SLC39A8: variants seen among roughly 807,000 people sequenced by gnomAD.
The protein encoded by SLC39A8 is metal cation symporter ZIP8.
SLC39A8 carries 15 observed loss-of-function variants against 40.4 expected under a neutral mutation model. The ratio of observed to expected loss-of-function variants is 0.37; its 90% confidence interval spans 0.25 to 0.57. The LOEUF (loss-of-function observed/expected upper bound fraction) is 0.57. SLC39A8 is among the 20% of genes least tolerant of loss of function. The probability of loss-of-function intolerance (pLI) is 0.75; values close to 1 mark genes in which losing one functional copy is unlikely to be tolerated. For synonymous variants in SLC39A8, 223 were observed against 221.6 expected (o/e 1.01, Z -0.06); for missense variants, 472 against 558.8 (o/e 0.84, Z 1.57).
At chr4:102,340,792 T>C (rs1735905000) in intron 2 of SLC39A8, among the ~76,000 whole-genome samples, 1 of 152,156 alleles carries the variant, frequency 6.6e-6, no homozygotes, top group Non-Finnish European at 1.5e-5. Flanking sequence ...AATCAGTAAA[T>C]CAGTGCTGGC....
chr4:102,324,637 C>T (rs1316474470), intron 2 of SLC39A8, among the ~76,000 whole-genome samples: 1 of 152,188 alleles, frequency 6.6e-6, no homozygotes, highest in Non-Finnish European at 1.5e-5. Flanking sequence ...CCGAGCACTA[C>T]TGCATGCCAG....
In SLC39A8 at chr4:102,344,893, G is replaced by T; in HGVS notation, c.-231C>A. 2 of 1,300,586 alleles carry T rather than the reference G, an allele frequency of 1.5e-6. No homozygotes were observed. The highest frequency in any genetic ancestry group is 1.6e-5 in the African/African-American group (1 of 64,404). The allele number at this position is 1,300,586 out of a possible 1,614,324, so 80.6% of individuals were successfully genotyped here. A position where few individuals can be genotyped will look rare whatever the true frequency, so the allele number is the denominator to read the frequency against. Reference sequence around the variant, plus strand: ...GCCGAGGGGAGCGATAGGCGGAGTGGGCCCCCCGGCCTCCTGGAGAGCCTG... The same window carrying T: ...GCCGAGGGGAGCGATAGGCGGAGTGTGCCCCCCGGCCTCCTGGAGAGCCTG... On this transcript the variant is annotated 5_prime_UTR_variant, in exon 2 of 9. Coordinates refer to ENST00000356736, the MANE Select transcript of SLC39A8 (RefSeq NM_001135146.2).
chr4:102,291,022 A>C (rs1283884033), intron 6 of SLC39A8, among the ~76,000 whole-genome samples: 1 of 150,566 alleles, frequency 6.6e-6, no homozygotes, highest in Non-Finnish European at 1.5e-5. Flanking sequence ...TGAACGTTCA[A>C]CCTCTCCCTG....
chr4:102,279,733 A>G (rs1732788413), intron 6 of SLC39A8, among the ~76,000 whole-genome samples: 2 of 152,222 alleles, frequency 1.3e-5, no homozygotes, highest in South Asian at 4.1e-4. Flanking sequence ...CCAATATTTT[A>G]TATGAAGAGT....
At chr4:102,259,967 T>C (rs550513654), downstream of SLC39A8, among the ~76,000 whole-genome samples, 1 of 152,308 alleles carries the variant, frequency 6.6e-6, no homozygotes, top group South Asian at 2.1e-4. Context: ...TAGATCATCC[T>C]GTGAAAAACA....
Position 102,344,697 on chromosome 4 carries a change from G to C in SLC39A8, c.-35C>G, listed in dbSNP as rs1736093786. 2.1e-6 allele frequency: 3 copies of C among 1,410,974 alleles called. No homozygotes were observed. In the South Asian group the frequency reaches 4.6e-5, roughly 22 times the overall value. 87.4% of individuals were successfully genotyped at this position (1,410,974 alleles called of 1,614,324 possible). ...GGCTTCCCCTTGAGGGCCCGCGACG[G>C]GCTGCCGCGCAGAGGGACGCGCGCG... is the stretch of plus-strand genomic sequence containing the variant. On this transcript the variant is annotated 5_prime_UTR_variant, in exon 2 of 9. Transcript: ENST00000356736.
At chr4:102,313,393 G>T (rs1216470724) in intron 3 of SLC39A8, among the ~76,000 whole-genome samples, 1 of 152,006 alleles carries the variant, frequency 6.6e-6, no homozygotes, top group African/African-American at 2.4e-5. Context: ...CAAAAGAATT[G>T]GCTATCATCA....
intron 4 of SLC39A8, among the ~76,000 whole-genome samples, chr4:102,305,692 C>T (rs1734139127): frequency 6.6e-6 from 1 of 151,942 alleles, no homozygotes; most frequent in Admixed American, 6.6e-5. Context: ...AAAATTGCCA[C>T]CACTCTCTCT....
intron 2 of SLC39A8, among the ~76,000 whole-genome samples, chr4:102,327,669 A>C (rs1735278599): frequency 6.6e-6 from 1 of 152,226 alleles, no homozygotes; most frequent in South Asian, 2.1e-4. Context: ...AAATCTACAG[A>C]GAATGGACTT....
chr4:102,323,428 A>C (rs1343163337), intron 2 of SLC39A8, among the ~76,000 whole-genome samples: 1 of 152,244 alleles, frequency 6.6e-6, no homozygotes, highest in Admixed American at 6.5e-5. Flanking sequence ...CTAGAGGAGG[A>C]GATACATGTG....
intron 2 of SLC39A8, 43 bp downstream of exon 2, chr4:102,344,401 G>T: frequency 1.5e-6 from 2 of 1,373,980 alleles, no homozygotes; most frequent in South Asian, 1.5e-5. Context: ...GAAGTCTAGG[G>T]ACACCCACAG....
In SLC39A8 at chr4:102,283,578, G is replaced by A. The variant is rs535537979; in HGVS notation, c.841-15499C>T. Reference sequence around the variant, plus strand: ...CACAATTAAAATAATACTTCCAATTGTTGAGGAGAAAAAAAACACCATCCT... The same window carrying A: ...CACAATTAAAATAATACTTCCAATTATTGAGGAGAAAAAAAACACCATCCT... On this transcript the variant is annotated intron_variant, in intron 6 of 8. Transcript: ENST00000356736. Among the ~76,000 whole-genome samples, 18 of 136,500 alleles carry A rather than the reference G, an allele frequency of 1.3e-4. 1 individual carries two copies. In the South Asian group the frequency reaches 3.7e-3, roughly 28 times the overall value. The allele number at this position is 136,500 out of a possible 152,430, so 89.5% of individuals were successfully genotyped here.
intron 2 of SLC39A8, among the ~76,000 whole-genome samples, 182 bp downstream of exon 2, chr4:102,344,262 T>C (rs969128478): frequency 6.6e-6 from 1 of 152,080 alleles, no homozygotes; most frequent in African/African-American, 2.4e-5. Flanking sequence ...TTAACAACGT[T>C]AACCTTTTAA....
chr4:102,299,779 G>T (rs1298574334), intron 6 of SLC39A8, among the ~76,000 whole-genome samples: 2 of 151,962 alleles, frequency 1.3e-5, no homozygotes, highest in Non-Finnish European at 2.9e-5. Flanking sequence ...TTCATAAAAA[G>T]AGAGACTGAT....
intron 6 of SLC39A8, among the ~76,000 whole-genome samples, chr4:102,270,852 T>G (rs1260259393): frequency 1.3e-5 from 2 of 151,900 alleles, no homozygotes; most frequent in African/African-American, 2.4e-5. Flanking sequence ...CTATGTTGAA[T>G]CCCAACATAA....
At chr4:102,309,621 C>T (rs1734338455) in intron 3 of SLC39A8, among the ~76,000 whole-genome samples, 1 of 152,040 alleles carries the variant, frequency 6.6e-6, no homozygotes, top group South Asian at 2.1e-4. Flanking sequence ...TTTATAATCT[C>T]ATTGGGTAGA....
At chr4:102,277,747 T>C (rs1315751693) in intron 6 of SLC39A8, among the ~76,000 whole-genome samples, 1 of 152,198 alleles carries the variant, frequency 6.6e-6, no homozygotes, top group African/African-American at 2.4e-5. Flanking sequence ...CCTACAAGGC[T>C]ACAGTAACCA....
chr4:102,340,839 C>T (rs1424765729), intron 2 of SLC39A8, among the ~76,000 whole-genome samples: 1 of 152,118 alleles, frequency 6.6e-6, no homozygotes, highest in Non-Finnish European at 1.5e-5. Flanking sequence ...TGAAGTTTAA[C>T]TGGGCTTAAG....
At chr4:102,341,481 A>T (rs1735938383) in intron 2 of SLC39A8, among the ~76,000 whole-genome samples, 1 of 152,232 alleles carries the variant, frequency 6.6e-6, no homozygotes, top group South Asian at 2.1e-4. Context: ...AGGGGTATCC[A>T]GATATTTGGG....
Sources: allele counts gnomAD v4.1 joint callset (sites outside exome capture counted in the v4.1 genomes callset), GRCh38; gene constraint gnomAD v4.1.1; transcripts MANE v1.5; gene names NCBI Gene and HGNC (gene_info 2026-07-23, HGNC 2026-07-21).